The following RBFOX1 variants were observed in gnomAD, a reference collection of about 807,000 sequenced individuals.
The protein encoded by RBFOX1 is RNA binding fox-1 homolog 1.
Under a neutral mutation model 57.7 loss-of-function variants are expected in RBFOX1, and 8 were observed. That is an observed-to-expected ratio of 0.14 (90% CI 0.08 to 0.25). The LOEUF is 0.25. RBFOX1 is among the 10% of genes least tolerant of loss of function. The pLI, the probability that RBFOX1 is intolerant of heterozygous loss-of-function variation, is 1.00. For synonymous variants in RBFOX1, 326 were observed against 222.4 expected, an observed-to-expected ratio of 1.47 and a Z score of -4.15; for missense variants, 611 against 548.5, an observed-to-expected ratio of 1.11 and a Z score of -1.14.
chr16:5,946,568 G>A lies in RBFOX1; in HGVS notation c.351+79233G>A, dbSNP rs117317027. Among the ~76,000 whole-genome samples the A allele has an allele frequency of 5.0e-3, 755 of 152,150 alleles. 5 individuals carry two copies. Among genetic ancestry groups the A allele is most frequent in the Non-Finnish European group, 8.1e-3 (550 of 68,002 alleles). On this transcript the variant is annotated intron_variant, in intron 4 of 19. Transcript: ENST00000641259. This position sits in a 1 kb window ranked among gnomAD's most constrained non-coding sequence, Gnocchi z 4.6. ...CTCTATGCATATTTTTTTCCAACTG[G>A]GTGTTCCTGAGTTATATCCTTTACG... is the stretch of plus-strand genomic sequence containing the variant.
At chr16:6,829,496 CA>C (rs1044487416) in intron 3 of RBFOX1, among the ~76,000 whole-genome samples, 3 of 134,976 alleles carry the variant, frequency 2.2e-5, no homozygotes, top group Admixed American at 2.2e-4. Context: ...AAAAAAAAAA[CA>C]AAAAAACGTT....
intron 1 of RBFOX1, among the ~76,000 whole-genome samples, chr16:6,136,519 A>G (rs1375975342): frequency 1.3e-5 from 2 of 152,088 alleles, no homozygotes; most frequent in African/African-American, 2.4e-5. Context: ...CATATTTTAG[A>G]TTTCCTAGAA....
At chr16:5,474,309 C>T (rs1041282065) in intron 2 of RBFOX1, among the ~76,000 whole-genome samples, 4 of 152,196 alleles carry the variant, frequency 2.6e-5, no homozygotes, top group African/African-American at 9.7e-5. Context: ...ACAGAACCTA[C>T]TGAGGGGACT....
chr16:5,590,185 G>A (rs8052395), intron 2 of RBFOX1, among the ~76,000 whole-genome samples: 96,584 of 152,062 alleles, frequency 0.64, 33,238 homozygotes, highest in East Asian at 0.97. Flanking sequence ...AGTCTGAAAC[G>A]ATTTACATGG....
At chr16:6,708,786 C>G (rs1016857345) in intron 3 of RBFOX1, among the ~76,000 whole-genome samples, 1 of 152,178 alleles carries the variant, frequency 6.6e-6, no homozygotes, top group Non-Finnish European at 1.5e-5. Flanking sequence ...GTTCATTTGT[C>G]TGCCCTGGCT....
rs535628416 is a variant in RBFOX1, at chr16:7,091,743, G to A, written c.27+39645G>A. On this transcript the variant is annotated intron_variant, in intron 4 of 15. Coordinates refer to ENST00000550418, the MANE Select transcript of RBFOX1 (RefSeq NM_018723.4). ...ACTGGGGGAGCCTCCTCTGAATTCT[G>A]CATTTTCTTTCCTGAATGCTAAAGC... is the stretch of plus-strand genomic sequence containing the variant. 2.6e-5 allele frequency among the ~76,000 whole-genome samples: 4 copies of A among 152,216 alleles called. No homozygotes were observed. The South Asian group carries it at 8.3e-4, about 32-fold the overall frequency.
At chr16:7,570,983 C>T (rs549073471) in intron 5 of RBFOX1, among the ~76,000 whole-genome samples, 1 of 152,142 alleles carries the variant, frequency 6.6e-6, no homozygotes, top group Non-Finnish European at 1.5e-5. Context: ...GATGCAGGAA[C>T]AGAAAACCGA....
intron 5 of RBFOX1, chr16:7,519,681 C>A: frequency 1.0e-6 from 1 of 985,264 alleles, no homozygotes; most frequent in South Asian, 4.7e-5. Context: ...CTTGGGAACC[C>A]CAATCCTGTC....
At chr16:6,157,007 G>A (rs541966051) in intron 1 of RBFOX1, among the ~76,000 whole-genome samples, 3 of 151,764 alleles carry the variant, frequency 2.0e-5, no homozygotes, top group South Asian at 4.2e-4. Context: ...ATTGTTTTTC[G>A]CATTTTTTTG....
chr16:7,056,524 C>G (rs2052332865), intron 4 of RBFOX1, among the ~76,000 whole-genome samples: 1 of 152,154 alleles, frequency 6.6e-6, no homozygotes, highest in Non-Finnish European at 1.5e-5. Context: ...CAATTATCAA[C>G]ATTTACCTCT....
At chr16:5,307,137 G>A (rs992579117) in intron 1 of RBFOX1, among the ~76,000 whole-genome samples, 1 of 152,196 alleles carries the variant, frequency 6.6e-6, no homozygotes, top group Non-Finnish European at 1.5e-5. Context: ...TAGCAATGGA[G>A]TTGGCTACTC....
At chr16:5,892,628 G>T (rs142291895) in intron 4 of RBFOX1, among the ~76,000 whole-genome samples, 32 of 152,234 alleles carry the variant, frequency 2.1e-4, no homozygotes, top group African/African-American at 7.7e-4. Context: ...AATGCATCGC[G>T]GAATCTTGTA....
chr16:6,502,200 T>C (rs1033780035), intron 2 of RBFOX1, among the ~76,000 whole-genome samples: 8 of 152,180 alleles, frequency 5.3e-5, no homozygotes, highest in African/African-American at 1.9e-4. Flanking sequence ...TGTTATATCT[T>C]TCTCATGGGG....
At chr16:5,793,814 G>A (rs935219871) in intron 3 of RBFOX1, among the ~76,000 whole-genome samples, 8 of 152,172 alleles carry the variant, frequency 5.3e-5, no homozygotes, top group African/African-American at 1.2e-4. Context: ...CATTGCATGC[G>A]TGCATGTGCA....
At chr16:6,955,286 G>T (rs577554337) in intron 3 of RBFOX1, among the ~76,000 whole-genome samples, 1 of 151,808 alleles carries the variant, frequency 6.6e-6, no homozygotes, top group Non-Finnish European at 1.5e-5. Context: ...ACTCCCTAGC[G>T]TACGATTAAG....
At chr16:6,858,087 C>T (rs1421479625) in intron 3 of RBFOX1, among the ~76,000 whole-genome samples, 1 of 152,160 alleles carries the variant, frequency 6.6e-6, no homozygotes, top group Non-Finnish European at 1.5e-5. Context: ...ATTGATGTTT[C>T]TCTAACTAGA....
chr16:6,886,897 A>C (rs1275358174), intron 3 of RBFOX1, among the ~76,000 whole-genome samples: 1 of 152,192 alleles, frequency 6.6e-6, no homozygotes, highest in Non-Finnish European at 1.5e-5. Flanking sequence ...GCATTAGGTC[A>C]CTTAGCCAAT....
At chr16:7,487,320 C>G (rs2065682426) in intron 4 of RBFOX1, among the ~76,000 whole-genome samples, 1 of 152,182 alleles carries the variant, frequency 6.6e-6, no homozygotes, top group Non-Finnish European at 1.5e-5. Flanking sequence ...CACTGTCTTG[C>G]TCCACGCCCT....
At chr16:6,964,081 C>T (rs946403090) in intron 3 of RBFOX1, among the ~76,000 whole-genome samples, 5 of 152,024 alleles carry the variant, frequency 3.3e-5, no homozygotes, top group African/African-American at 1.2e-4. Context: ...TGCAGTGGTG[C>T]ATTCTCGGCT....
Sources: gnomAD v4.1 joint callset for allele counts (sites outside exome capture counted in the v4.1 genomes callset) on GRCh38, gnomAD v4.1.1 for gene constraint, Gnocchi (gnomAD v3.1) non-coding constraint, MANE v1.5 for transcripts, NCBI Gene and HGNC (gene_info 2026-07-23, HGNC 2026-07-21) for gene names.